The following KIR3DL2 variants were observed in gnomAD, a reference collection of about 807,000 sequenced individuals.
KIR3DL2 encodes killer cell immunoglobulin-like receptor 3DL2.
Under a neutral mutation model 41.6 loss-of-function variants are expected in KIR3DL2, and 42 were observed. The ratio of observed to expected loss-of-function variants is 1.01; its 90% CI spans 0.79 to 1.31. The LOEUF (loss-of-function observed/expected upper bound fraction) is 1.31, where lower values mean the gene tolerates loss of function less well. KIR3DL2 is among the 50% of genes most tolerant of loss of function. The pLI, the probability that KIR3DL2 is intolerant of heterozygous loss-of-function variation, is 0.00. For synonymous variants in KIR3DL2, 230 were observed against 221.3 expected (o/e 1.04, Z -0.35); for missense variants, 728 against 576.8 (o/e 1.26, Z -2.68).
Position 54,855,820 on chromosome 19 carries a change from C to T in KIR3DL2, c.857C>T (p.Thr286Ile). 1 of 1,613,538 alleles carries T rather than the reference C, an allele frequency of 6.2e-7. No homozygotes were observed. The highest frequency in any genetic ancestry group is 1.3e-5 in the African/African-American group (1 of 74,592). Residue 286 changes from threonine to isoleucine, a missense_variant, in exon 5 of 9, where the codon ACC (threonine) becomes ATC (isoleucine). By Grantham distance (89) the Thr-to-Ile change is moderately conservative. Coordinates refer to ENST00000326321, the MANE Select transcript of KIR3DL2 (RefSeq NM_006737.4). ...FQADFPLGPA[T>I]HGGTYRCFGS... Reference sequence around the variant, plus strand: ...GCAGACTTTCCTCTGGGCCCTGCCACCCACGGAGGGACCTACAGATGCTTC... The same window carrying T: ...GCAGACTTTCCTCTGGGCCCTGCCATCCACGGAGGGACCTACAGATGCTTC...
At chr19:54,858,108 A>G (rs2064925083) in intron 5 of KIR3DL2, among the ~76,000 whole-genome samples, 1 of 151,432 alleles carries the variant, frequency 6.6e-6, no homozygotes, top group South Asian at 2.1e-4. Context: ...TTGTCTCTTC[A>G]CTTTGTTGGT....
At chr19:54,851,708 C>A (rs1213117538) in intron 2 of KIR3DL2, among the ~76,000 whole-genome samples, 56 of 151,910 alleles carry the variant, frequency 3.7e-4, no homozygotes, top group Non-Finnish European at 6.6e-4. Context: ...ATATTCCATT[C>A]ACATAGGACA....
At chr19:54,855,498 G>T (rs1368321147) in intron 4 of KIR3DL2, 121 bp from the exon 5 acceptor site, 14 of 1,404,746 alleles carry the variant, frequency 1.0e-5, no homozygotes, top group Admixed American at 6.9e-5. Context: ...AGTTGGGGTG[G>T]AGGGTGAGAG....
At position 54,851,247 on chromosome 19, in the gene KIR3DL2, C is replaced by T. The variant is rs1413831383; in HGVS notation, c.62C>T (p.Pro21Leu). The change falls in exon 2 of 9, where the codon CCA (proline) becomes CTA (leucine). Residue 21 changes from proline (P) to leucine (L), a missense_variant. Pro to Leu is a moderately conservative substitution (Grantham distance 98). Coordinates refer to ENST00000326321, the MANE Select transcript of KIR3DL2 (RefSeq NM_006737.4). The stretch of plus-strand genomic sequence containing the variant: ...TTCTTCTTGCTGCAGGGGGCCTGGC[C>T]ACTCATGGGTGAGTCCGTCCCCAAA... The part of the protein sequence containing the change: ...VGFFLLQGAW[P>L]LMGGQDKPFL... 1 of 1,609,538 alleles carries T rather than the reference C, an allele frequency of 6.2e-7. No homozygotes were observed. The highest frequency in any genetic ancestry group is 8.5e-7 in the Non-Finnish European group (1 of 1,178,124).
At chr19:54,851,589 G>A (rs2064243811) in intron 2 of KIR3DL2, among the ~76,000 whole-genome samples, 1 of 151,444 alleles carries the variant, frequency 6.6e-6, no homozygotes, top group African/African-American at 2.4e-5. Flanking sequence ...TTCCGTGACG[G>A]TAGGGGCTGC....
chr19:54,862,553 A>C (rs1317387519), intron 6 of KIR3DL2, among the ~76,000 whole-genome samples: 2 of 152,054 alleles, frequency 1.3e-5, no homozygotes, highest in Non-Finnish European at 2.9e-5. Context: ...CAAGGCTCAG[A>C]AAAGCTGCTC....
rs2064690862 is a variant in KIR3DL2 at position 54,855,664 on chromosome 19, T to C, written c.701T>C (p.Val234Ala). ...PSLSAQPGPT[V>A]QAGENVTLSC... is the part of the protein sequence containing the mutation. Reference sequence around the variant, plus strand: ...CTCTCAGCCCAGCCGGGCCCCACGGTTCAGGCAGGAGAGAACGTGACCTTG... The same window carrying C: ...CTCTCAGCCCAGCCGGGCCCCACGGCTCAGGCAGGAGAGAACGTGACCTTG... Residue 234 changes from valine to alanine, a missense_variant, in exon 5 of 9, where the codon GTT becomes GCT. Val to Ala is a moderately conservative substitution (Grantham distance 64). Transcript: ENST00000326321. 6.2e-7 allele frequency: 1 copy of C among 1,613,418 alleles called. No individual in the cohort carries two copies. The highest frequency in any genetic ancestry group is 8.5e-7 in the Non-Finnish European group (1 of 1,179,920).
chr19:54,853,722 C>A, intron 3 of KIR3DL2, 25 bp from the exon 4 acceptor site: 1 of 1,605,160 alleles, frequency 6.2e-7, no homozygotes, highest in Non-Finnish European at 8.5e-7. Context: ...GAGATGCCTT[C>A]TAAACTCACA....
At chr19:54,858,317 G>T (rs2064940928) in intron 5 of KIR3DL2, among the ~76,000 whole-genome samples, 1 of 150,812 alleles carries the variant, frequency 6.6e-6, no homozygotes, top group South Asian at 2.1e-4. Context: ...TGATTTTTGT[G>T]TAAGGTGACA....
chr19:54,855,490 T>G, intron 4 of KIR3DL2, 129 bp from the exon 5 acceptor site: 3 of 1,294,876 alleles, frequency 2.3e-6, no homozygotes, highest in East Asian at 2.4e-5. Flanking sequence ...ATGAAGAGAG[T>G]TGGGGTGGAG....
rs770864062 is a variant in KIR3DL2 at position 54,865,871 on chromosome 19, T to C, written c.1067T>C (p.Leu356Pro). 1.2e-6 allele frequency: 2 copies of C among 1,612,986 alleles called. 1 individual carries two copies. The highest frequency in any genetic ancestry group is 1.7e-6 in the Non-Finnish European group (2 of 1,179,100). ...SVVIFLFILL[L>P]FFLLYRWCSN... The stretch of plus-strand genomic sequence containing the variant: ...GTCATCTTCCTCTTCATCCTCCTCC[T>C]CTTCTTTCTCCTTTATCGCTGGTGC... The change falls in exon 7 of 9, where the codon CTC becomes CCC. Residue 356 changes from leucine to proline, a missense_variant. Coordinates refer to ENST00000326321, the MANE Select transcript of KIR3DL2 (RefSeq NM_006737.4).
chr19:54,856,548 C>T (rs2064795393), intron 5 of KIR3DL2, among the ~76,000 whole-genome samples: 1 of 151,782 alleles, frequency 6.6e-6, no homozygotes, highest in Non-Finnish European at 1.5e-5. Context: ...GCCAAGCATG[C>T]CGGCATGCAC....
intron 4 of KIR3DL2, 75 bp downstream of exon 4, chr19:54,854,121 TG>T (rs1474639558): frequency 6.6e-7 from 1 of 1,516,310 alleles, no homozygotes; most frequent in Non-Finnish European, 9.1e-7. Flanking sequence ...AACCCCCAGG[TG>T]GTCATGAGGA....
rs1342799399 is a variant in KIR3DL2 at position 54,858,927 on chromosome 19, C to A, written c.950-152C>A. The A allele has an allele frequency of 8.2e-5, 67 of 812,570 alleles. No homozygotes were observed. In the East Asian group the frequency reaches 1.5e-3, roughly 18 times the overall value. 50.3% of individuals were successfully genotyped at this position (812,570 alleles called of 1,614,324 possible). ...CTTCAAGTCTCAAGACAGTGGGCAT[C>A]GCACACAAAAATTATGGAGAAAAGG... On this transcript the variant is annotated intron_variant, in intron 5 of 8. Transcript: ENST00000326321.
chr19:54,865,149 A>C (rs376984761), intron 6 of KIR3DL2, among the ~76,000 whole-genome samples: 6 of 152,052 alleles, frequency 3.9e-5, no homozygotes, highest in East Asian at 3.9e-4. Context: ...TGTTTATATG[A>C]TGGATTACAT....
chr19:54,867,065 C>G lies in KIR3DL2; in HGVS notation c.*334C>G, dbSNP rs191835819. ...AGGCTCCCTCTTAACACGGCACTTA[C>G]ACACTTGCTGTTCCACCTTCCCTCA... On this transcript the variant is annotated 3_prime_UTR_variant, in exon 9 of 9. Coordinates refer to ENST00000326321, the MANE Select transcript of KIR3DL2 (RefSeq NM_006737.4). 648 of 357,584 alleles carry G rather than the reference C, an allele frequency of 1.8e-3. 8 individuals carry two copies. The East Asian group carries it at 0.02, about 11-fold the overall frequency. The allele number at this position is 357,584 out of a possible 1,614,324, so 22.2% of individuals were successfully genotyped here.
chr19:54,861,817 A>G (rs1418318811), intron 6 of KIR3DL2, among the ~76,000 whole-genome samples: 1 of 151,654 alleles, frequency 6.6e-6, no homozygotes, highest in Non-Finnish European at 1.5e-5. Flanking sequence ...TTCTGTGAAC[A>G]TGAGATCATA....
chr19:54,854,356 C>G (rs2064560064), intron 4 of KIR3DL2, among the ~76,000 whole-genome samples: 1 of 151,786 alleles, frequency 6.6e-6, no homozygotes. Flanking sequence ...GCTCAGAGAC[C>G]TGGCACAGGT....
chr19:54,866,191 T>A (rs562948215), intron 7 of KIR3DL2, among the ~76,000 whole-genome samples, 179 bp from the exon 8 acceptor site: 35 of 151,950 alleles, frequency 2.3e-4, no homozygotes, highest in Middle Eastern at 3.4e-3. Flanking sequence ...GGGATGCCAA[T>A]TGAGAGCACT....
Sources: gnomAD v4.1 joint callset for allele counts (sites outside exome capture counted in the v4.1 genomes callset) on GRCh38, gnomAD v4.1.1 for gene constraint, MANE v1.5 for transcripts, NCBI Gene and HGNC (gene_info 2026-07-23, HGNC 2026-07-21) for gene names.